CLYBL: variants seen among roughly 807,000 people sequenced by gnomAD.
The protein encoded by CLYBL is citramalyl-CoA lyase, mitochondrial.
In CLYBL, 31 loss-of-function variants were observed where a neutral mutation model predicts 38.9. The ratio of observed to expected loss-of-function variants is 0.80; its 90% CI spans 0.60 to 1.08. The LOEUF (loss-of-function observed/expected upper bound fraction) is 1.08. Ranked by LOEUF, CLYBL falls within the 50% of genes least tolerant of loss-of-function variation. The pLI is 0.00. For missense variants in CLYBL, 434 were observed against 411.6 expected (o/e 1.05, Z -0.47); for synonymous variants, 171 against 158.6 (o/e 1.08, Z -0.59).
At chr13:99,821,983 T>C (rs2050597352) in intron 2 of CLYBL, among the ~76,000 whole-genome samples, 1 of 152,172 alleles carries the variant, frequency 6.6e-6, no homozygotes, top group South Asian at 2.1e-4. Flanking sequence ...CGTCTGGAAC[T>C]CTGCCACCTA....
chr13:99,851,299 G>A (rs985749069), intron 2 of CLYBL, among the ~76,000 whole-genome samples: 32 of 150,484 alleles, frequency 2.1e-4, no homozygotes, highest in African/African-American at 6.9e-4. Context: ...TACGGGAGGC[G>A]GAGGTTGCAG....
intron 1 of CLYBL, among the ~76,000 whole-genome samples, chr13:99,643,311 A>AT (rs1355713476): frequency 2.0e-5 from 3 of 152,120 alleles, no homozygotes; most frequent in African/African-American, 2.4e-5. Context: ...ATAACCAGGA[A>AT]TTTTGTTTTT....
At chr13:99,772,721 TATCC>T (rs942678466) in intron 1 of CLYBL, 99 bp from the exon 2 acceptor site, 105 of 956,660 alleles carry the variant, frequency 1.1e-4, no homozygotes, top group Admixed American at 4.7e-4. Context: ...AAAAAAAGAT[TATCC>T]ATGTGTTCTA....
At chr13:99,879,880 A>G (rs1351301947) in intron 7 of CLYBL, among the ~76,000 whole-genome samples, 1 of 152,052 alleles carries the variant, frequency 6.6e-6, no homozygotes, top group African/African-American at 2.4e-5. Context: ...AGCAGTAACC[A>G]TGTGTGCCGT....
At chr13:99,640,196 C>T (rs1566596207) in intron 1 of CLYBL, among the ~76,000 whole-genome samples, 1 of 152,084 alleles carries the variant, frequency 6.6e-6, no homozygotes, top group African/African-American at 2.4e-5. Flanking sequence ...TCTTTTTTCA[C>T]ACAAAGCCAA....
At chr13:99,789,496 A>G (rs1174152077) in intron 2 of CLYBL, among the ~76,000 whole-genome samples, 1 of 152,048 alleles carries the variant, frequency 6.6e-6, no homozygotes, top group African/African-American at 2.4e-5. Flanking sequence ...GTTTCCATGT[A>G]GTTGAGTGGT....
chr13:99,823,797 C>G (rs746912860), intron 2 of CLYBL, among the ~76,000 whole-genome samples: 23 of 152,186 alleles, frequency 1.5e-4, no homozygotes, highest in Non-Finnish European at 1.5e-5. Context: ...TTAAATACAT[C>G]AAGTAACCTA....
At chr13:99,653,751 G>A (rs1181404660) in intron 1 of CLYBL, among the ~76,000 whole-genome samples, 1 of 151,982 alleles carries the variant, frequency 6.6e-6, no homozygotes, top group Admixed American at 6.6e-5. Context: ...CCAGGACGCT[G>A]ACAGTGTGGT....
chr13:99,799,377 T>TCTCACACACACACA (rs1555308849), intron 2 of CLYBL, among the ~76,000 whole-genome samples: 5 of 150,176 alleles, frequency 3.3e-5, no homozygotes, highest in Non-Finnish European at 5.9e-5. Context: ...ATACACACAT[T>TCTCACACACACACA]CACACACACA....
intron 7 of CLYBL, among the ~76,000 whole-genome samples, chr13:99,882,747 A>T (rs574208506): frequency 3.3e-5 from 5 of 152,280 alleles, no homozygotes; most frequent in African/African-American, 1.2e-4. Context: ...TCCTAATAGA[A>T]TTACCCTCCT....
chr13:99,904,405 G>C (rs1003481214), intron 8 of CLYBL, among the ~76,000 whole-genome samples: 9 of 152,190 alleles, frequency 5.9e-5, no homozygotes, highest in Non-Finnish European at 1.2e-4. Context: ...GTTCAAACCA[G>C]TTTCCATAAT....
At chr13:99,682,118 G>T (rs1594117273) in intron 1 of CLYBL, among the ~76,000 whole-genome samples, 1 of 151,970 alleles carries the variant, frequency 6.6e-6, no homozygotes, top group South Asian at 2.1e-4. Context: ...GTAGGCAATT[G>T]TAACACAGTG....
At chr13:99,756,145 A>G (rs1011988587) in intron 1 of CLYBL, among the ~76,000 whole-genome samples, 1 of 152,166 alleles carries the variant, frequency 6.6e-6, no homozygotes, top group African/African-American at 2.4e-5. Context: ...AATGATGGCC[A>G]TGGATTCAGT....
chr13:99,719,233 C>G (rs944306579), intron 1 of CLYBL, among the ~76,000 whole-genome samples: 1 of 151,520 alleles, frequency 6.6e-6, no homozygotes, highest in Admixed American at 6.6e-5. Flanking sequence ...CAACCTTCAC[C>G]TCCTGGGCTC....
chr13:99,673,412 C>A (rs1039516108), intron 1 of CLYBL, among the ~76,000 whole-genome samples: 138 of 142,580 alleles, frequency 9.7e-4, no homozygotes, highest in Non-Finnish European at 9.2e-4. Flanking sequence ...GACTCCGTCT[C>A]AAAAAAAAAA....
chr13:99,872,073 G>T (rs899196145), intron 7 of CLYBL, among the ~76,000 whole-genome samples: 2 of 151,336 alleles, frequency 1.3e-5, no homozygotes, highest in Non-Finnish European at 1.5e-5. Flanking sequence ...CATGTCCCTC[G>T]CACTTTTCAC....
intron 1 of CLYBL, among the ~76,000 whole-genome samples, chr13:99,608,084 T>TC (rs1158759235): frequency 7.2e-6 from 1 of 139,030 alleles, no homozygotes; most frequent in Non-Finnish European, 1.5e-5. Context: ...TTTTTTTTTT[T>TC]TTCCGAGATG....
chr13:99,882,472 G>A (rs2052235219), intron 7 of CLYBL, among the ~76,000 whole-genome samples: 1 of 152,018 alleles, frequency 6.6e-6, no homozygotes, highest in Non-Finnish European at 1.5e-5. Flanking sequence ...CTGGACAACA[G>A]GGCAAAACCC....
intron 1 of CLYBL, among the ~76,000 whole-genome samples, chr13:99,667,184 C>G (rs754713374): frequency 3.0e-4 from 45 of 152,136 alleles, no homozygotes; most frequent in Non-Finnish European, 6.6e-4. Context: ...TCAGAAGTCA[C>G]TGCTCTAGTA....
Sources: allele counts gnomAD v4.1 joint callset (sites outside exome capture counted in the v4.1 genomes callset), GRCh38; gene constraint gnomAD v4.1.1; transcripts MANE v1.5; gene names NCBI Gene and HGNC (gene_info 2026-07-23, HGNC 2026-07-21).